BAZ2A: variants seen among roughly 807,000 people sequenced by gnomAD.
BAZ2A encodes bromodomain adjacent to zinc finger domain 2A.
A neutral mutation model predicts 199.9 loss-of-function variants in BAZ2A; 34 were observed. That is an observed-to-expected ratio of 0.17 (90% confidence interval 0.13 to 0.23). The LOEUF is 0.23. Among genes scored for constraint, BAZ2A ranks in the 10% least tolerant of loss-of-function variants. The pLI is 1.00. For synonymous variants in BAZ2A, 857 were observed against 883.9 expected, an observed-to-expected ratio of 0.97 and a Z score of 0.54; for missense variants, 2,002 against 2,391.1, an observed-to-expected ratio of 0.84 and a Z score of 3.39.
At chr12:56,635,147 G>C (rs997018335), upstream of BAZ2A, 7 of 638,886 alleles carry the variant, frequency 1.1e-5, no homozygotes, top group East Asian at 6.9e-4. The surrounding 1 kb of genome is among the most constrained non-coding windows in gnomAD (Gnocchi z 4.1). Context: ...GGAGAGGATA[G>C]CGGGTGGCGT....
chr12:56,619,904 G>A (rs990622296), intron 1 of BAZ2A, among the ~76,000 whole-genome samples: 1 of 152,104 alleles, frequency 6.6e-6, no homozygotes, highest in African/African-American at 2.4e-5. Flanking sequence ...AGTTGCTCAG[G>A]AGGATGAGGC....
rs529350754 is a variant in BAZ2A, at chr12:56,602,090, G to C, written c.3527C>G (p.Ser1176Cys). Reference sequence around the variant, plus strand: ...GGCAGGAGAACTGGCAGTGGTGTTGGAGCCAGCTAACTCCATCTTCATAGA... The same window carrying C: ...GGCAGGAGAACTGGCAGTGGTGTTGCAGCCAGCTAACTCCATCTTCATAGA... The part of the protein sequence containing the change: ...LFSMKMELAG[S>C]NTTASSPARA... The change falls in exon 20 of 29, where the codon TCC becomes TGC. Residue 1176 changes from serine to cysteine, a missense_variant. Coordinates refer to ENST00000549884, the MANE Select transcript of BAZ2A (RefSeq NM_001300905.2). 2 of 1,580,608 alleles carry C rather than the reference G, an allele frequency of 1.3e-6. No individual in the cohort carries two copies. The highest frequency in any genetic ancestry group is 2.3e-5 in the East Asian group (1 of 43,404).
Position 56,600,850 on chromosome 12 carries a change from A to G in BAZ2A, c.4451-18T>C, listed in dbSNP as rs780313383. 4.3e-6 allele frequency: 7 copies of G among 1,612,836 alleles called. No homozygotes were observed. The highest frequency in any genetic ancestry group is 5.9e-6 in the Non-Finnish European group (7 of 1,179,256). The stretch of plus-strand genomic sequence containing the variant: ...GATGGGGTCTGAGAAGAGAGGTGGC[A>G]GAGGGAGAGGCCCATCAGGCTGTTG... On this transcript the variant is annotated intron_variant, in intron 22 of 28. Coordinates refer to ENST00000549884, the MANE Select transcript of BAZ2A (RefSeq NM_001300905.2).
chr12:56,617,254 A>G (rs1012504139), intron 2 of BAZ2A, 141 bp downstream of exon 2: 1 of 1,059,794 alleles, frequency 9.4e-7, no homozygotes, highest in Non-Finnish European at 1.3e-6. Context: ...AATACAAAAA[A>G]TGTTTCCAAA....
At chr12:56,599,383 T>G (rs772192158) in intron 26 of BAZ2A, 25 bp from the exon 27 acceptor site, 47 of 1,598,108 alleles carry the variant, frequency 2.9e-5, no homozygotes, top group Non-Finnish European at 3.9e-5. Flanking sequence ...CAGGTGAGAT[T>G]AGCAACAGCT....
intron 13 of BAZ2A, 167 bp from the exon 14 acceptor site, chr12:56,605,494 T>C: frequency 1.3e-6 from 1 of 772,210 alleles, no homozygotes; most frequent in South Asian, 2.1e-5. Context: ...TGATCTCTGC[T>C]TACTGCAGCC....
chr12:56,605,242 T>C lies in BAZ2A; in HGVS notation c.2579A>G (p.His860Arg), dbSNP rs1250858890. ...AAAGCCCAGCACCTTGCCAAAGCTA[T>C]GCAGGAACTCCACAATGGTCAAGCA... ...SDCLTIVEFL[H>R]SFGKVLGFDP... Residue 860 changes from histidine (H) to arginine (R), a missense_variant, in exon 14 of 29, where the codon CAT (histidine) becomes CGT (arginine). Physicochemically the swap from His to Arg is conservative, Grantham distance 29. Transcript: ENST00000549884. 1.9e-6 allele frequency: 3 copies of C among 1,613,702 alleles called. No individual in the cohort carries two copies. In the Admixed American group the frequency reaches 5.0e-5, roughly 27 times the overall value.
intron 1 of BAZ2A, among the ~76,000 whole-genome samples, chr12:56,623,291 T>G (rs2137241654): frequency 6.6e-6 from 1 of 151,788 alleles, no homozygotes; most frequent in African/African-American, 2.4e-5. Flanking sequence ...AAATATTATA[T>G]ATTGCAACAC....
At chr12:56,618,552 T>A (rs976919475) in intron 1 of BAZ2A, among the ~76,000 whole-genome samples, 2 of 152,138 alleles carry the variant, frequency 1.3e-5, no homozygotes, top group Admixed American at 6.5e-5. Flanking sequence ...ACTTGATATG[T>A]GAGAAACATA....
upstream of BAZ2A, chr12:56,636,517 C>A: frequency 2.2e-6 from 1 of 464,446 alleles, no homozygotes; most frequent in Non-Finnish European, 3.3e-6. Context: ...GTAGAAGAGG[C>A]CGGCAAAGGG....
Position 56,601,648 on chromosome 12 carries a change from G to A in BAZ2A, c.3969C>T (p.Asn1323=), listed in dbSNP as rs1886496938. 1.2e-6 allele frequency: 2 copies of A among 1,613,916 alleles called. No homozygotes were observed. Among genetic ancestry groups the A allele is most frequent in the African/African-American group, 1.3e-5 (1 of 74,932 alleles). Residue 1323 remains asparagine, a synonymous_variant, in exon 20 of 29, where the codon AAC becomes AAT. Transcript: ENST00000549884. ...SSPDPQALWF[N]ISAQMPCNAA... ...CATTGCAGGGCATCTGGGCTGAGAT[G>A]TTAAACCAGAGTGCTTGAGGATCAG...
At position 56,601,312 on chromosome 12, in the gene BAZ2A, C is replaced by G; in HGVS notation, c.4162G>C (p.Asp1388His). The change falls in exon 21 of 29, where the codon GAC becomes CAC. Residue 1388 changes from aspartate (D) to histidine (H), a missense_variant. Transcript: ENST00000549884. Reference sequence around the variant, plus strand: ...GGACTCTGTGGCATTTCTCCAGGGTCTCCTGCTCGCCTCTTAGGGGCCAAC... The same window carrying G: ...GGACTCTGTGGCATTTCTCCAGGGTGTCCTGCTCGCCTCTTAGGGGCCAAC... ...AGLAPKRRAG[D>H]PGEMPQSPTG... 1 of 1,614,036 alleles carries G rather than the reference C, an allele frequency of 6.2e-7. No homozygotes were observed. The highest frequency in any genetic ancestry group is 1.1e-5 in the South Asian group (1 of 91,084).
Position 56,599,947 on chromosome 12 carries a change from C to G in BAZ2A, c.5025+17G>C. ...TGGCTGGCCCCTCAGCCTCTCCAGG[C>G]TCTCTCAGCCTCTTACCACTTTGTT... On this transcript the variant is annotated intron_variant, in intron 25 of 28. Transcript: ENST00000549884. 6.2e-7 allele frequency: 1 copy of G among 1,613,704 alleles called. No homozygotes were observed.
At chr12:56,620,548 G>T (rs1950886485) in intron 1 of BAZ2A, among the ~76,000 whole-genome samples, 2 of 144,756 alleles carry the variant, frequency 1.4e-5, no homozygotes, top group South Asian at 2.1e-4. Flanking sequence ...AACACACAGG[G>T]TCCTCCAGGA....
chr12:56,619,522 A>G (rs554069456), intron 1 of BAZ2A, among the ~76,000 whole-genome samples: 58 of 151,614 alleles, frequency 3.8e-4, no homozygotes, highest in Admixed American at 1.1e-3. Flanking sequence ...AAAAAAAAAA[A>G]AAAAGAAAAG....
At chr12:56,613,305 TG>T in intron 4 of BAZ2A, 72 bp from the exon 5 acceptor site, 1 of 1,457,416 alleles carries the variant, frequency 6.9e-7, no homozygotes, top group Non-Finnish European at 9.6e-7. Context: ...TAAGAAACAC[TG>T]GTCAGAAAAC....
intron 18 of BAZ2A, 129 bp from the exon 19 acceptor site, chr12:56,602,986 T>C (rs1286820459): frequency 1.7e-6 from 2 of 1,161,236 alleles, no homozygotes; most frequent in Admixed American, 2.7e-5. Flanking sequence ...CTGGGCCTAA[T>C]TCAGAAGGTG....
In BAZ2A at chr12:56,606,278, A is replaced by G. The variant is rs910041730; in HGVS notation, c.2228T>C (p.Leu743Ser). The G allele has an allele frequency of 1.2e-6, 2 of 1,613,840 alleles. No individual in the cohort carries two copies. Among genetic ancestry groups the G allele is most frequent in the African/African-American group, 1.3e-5 (1 of 74,908 alleles). The stretch of plus-strand genomic sequence containing the variant: ...TTTCTTCTTAGCTTCCTTCTGCTTT[A>G]AGCTCTTGGTCTCTTGTTTCCGCTT... ...RNKRKQETKS[L>S]KQKEAKKKSK... is the part of the protein sequence containing the mutation. The change falls in exon 12 of 29, where the codon TTA becomes TCA. Residue 743 changes from leucine (L) to serine (S), a missense_variant. Leu to Ser is a moderately radical substitution (Grantham distance 145). Coordinates refer to ENST00000549884, the MANE Select transcript of BAZ2A (RefSeq NM_001300905.2).
intron 10 of BAZ2A, among the ~76,000 whole-genome samples, chr12:56,608,229 A>T (rs1950429775): frequency 6.6e-6 from 1 of 151,268 alleles, no homozygotes; most frequent in South Asian, 2.1e-4. Context: ...AAAATTAGCC[A>T]GGTGTGGTGG....
Sources: gnomAD v4.1 joint callset for allele counts (sites outside exome capture counted in the v4.1 genomes callset) on GRCh38, gnomAD v4.1.1 for gene constraint, Gnocchi (gnomAD v3.1) non-coding constraint, MANE v1.5 for transcripts, NCBI Gene and HGNC (gene_info 2026-07-23, HGNC 2026-07-21) for gene names.